MGRN1: variants seen among roughly 807,000 people sequenced by gnomAD.
MGRN1 encodes the protein E3 ubiquitin-protein ligase MGRN1.
MGRN1 carries 29 observed loss-of-function variants against 69.2 expected under a neutral mutation model. The observed-to-expected ratio is 0.42, with a 90% confidence interval of 0.31 to 0.57. MGRN1 has a LOEUF of 0.57. MGRN1 is among the 20% of genes least tolerant of loss of function. MGRN1 has a pLI of 0.15. For missense variants in MGRN1, 998 were observed against 796.2 expected (o/e 1.25, Z -3.05); for synonymous variants, 470 against 344.2 (o/e 1.37, Z -4.04).
chr16:4,684,733 C>T (rs2079269124), intron 16 of MGRN1, among the ~76,000 whole-genome samples: 1 of 152,266 alleles, frequency 6.6e-6, no homozygotes, highest in South Asian at 2.1e-4. Context: ...AATGGGGGCT[C>T]TCAGACTAGT....
At chr16:4,665,267 G>T in intron 7 of MGRN1, 116 bp downstream of exon 7, 2 of 1,093,102 alleles carry the variant, frequency 1.8e-6, no homozygotes, top group Admixed American at 2.1e-5. Context: ...TGAGTGTCAA[G>T]GGCCCCGGGG....
intron 1 of MGRN1, among the ~76,000 whole-genome samples, chr16:4,642,546 A>C (rs1162960353): frequency 6.6e-6 from 1 of 150,994 alleles, no homozygotes; most frequent in East Asian, 1.9e-4. Context: ...GACTGGTCTT[A>C]AACTCCTGAC....
chr16:4,628,410 G>A (rs553236030), intron 1 of MGRN1, among the ~76,000 whole-genome samples: 2 of 150,026 alleles, frequency 1.3e-5, no homozygotes, highest in African/African-American at 4.9e-5. Context: ...AAAAGGAGGG[G>A]ACATTGAAGC....
At chr16:4,636,986 G>C (rs1898328868) in intron 1 of MGRN1, among the ~76,000 whole-genome samples, 1 of 151,734 alleles carries the variant, frequency 6.6e-6, no homozygotes, top group Non-Finnish European at 1.5e-5. Flanking sequence ...GGGCACGGTG[G>C]CGTGCGCCTG....
chr16:4,677,256 CTTCT>C (rs989081396), intron 10 of MGRN1: 53 of 449,860 alleles, frequency 1.2e-4, no homozygotes, highest in African/African-American at 5.5e-4. Context: ...AGGGGAGCTG[CTTCT>C]TTCTTTCTTC....
In MGRN1 at chr16:4,690,765, AACAC is replaced by A. The variant is rs1167875376; in HGVS notation, c.*1863_*1866del. On this transcript the variant is annotated 3_prime_UTR_variant, in exon 17 of 17. Coordinates refer to ENST00000262370, the MANE Select transcript of MGRN1 (RefSeq NM_015246.4). Reference sequence around the variant, plus strand: ...CTCCCCCCATGCACCTCTCCCCAACAACACACACAGCCCCCTGCACCGCCCGCCC... The same window carrying A: ...CTCCCCCCATGCACCTCTCCCCAACAACACAGCCCCCTGCACCGCCCGCCC... 11 of 114,566 alleles carry A rather than the reference AACAC, an allele frequency of 9.6e-5. No individual in the cohort carries two copies. Among genetic ancestry groups the A allele is most frequent in the African/African-American group, 3.4e-5 (1 of 29,366 alleles). The allele number at this position is 114,566 out of a possible 1,614,324, so 7.1% of individuals were successfully genotyped here. A position where few individuals can be genotyped will look rare whatever the true frequency, so the allele number is the denominator to read the frequency against.
chr16:4,638,246 T>TACGA (rs1351125137), intron 1 of MGRN1, among the ~76,000 whole-genome samples: 2 of 151,912 alleles, frequency 1.3e-5, no homozygotes, highest in Non-Finnish European at 2.9e-5. Context: ...GCGGGTGGAT[T>TACGA]ACGAGGTCAG....
chr16:4,675,900 T>C (rs573653153), intron 10 of MGRN1, among the ~76,000 whole-genome samples: 26 of 152,334 alleles, frequency 1.7e-4, no homozygotes, highest in African/African-American at 5.5e-4. Flanking sequence ...ACAACCTGAA[T>C]GTTCTCAGGG....
At chr16:4,676,002 G>A (rs922220652) in intron 10 of MGRN1, among the ~76,000 whole-genome samples, 4 of 152,316 alleles carry the variant, frequency 2.6e-5, no homozygotes, top group South Asian at 2.1e-4. Context: ...CGGTGGGGCC[G>A]GAGCATAGTT....
At chr16:4,684,769 C>G (rs2079269834) in intron 16 of MGRN1, among the ~76,000 whole-genome samples, 1 of 152,260 alleles carries the variant, frequency 6.6e-6, no homozygotes, top group Non-Finnish European at 1.5e-5. Context: ...ACGAGGCTGT[C>G]TGCGGCTCTG....
chr16:4,677,288 A>G (rs563779582), intron 10 of MGRN1, 175 bp from the exon 11 acceptor site: 9 of 446,710 alleles, frequency 2.0e-5, no homozygotes, highest in South Asian at 4.8e-5. Flanking sequence ...TTTCCTGCCT[A>G]TTAAATTCCT....
Position 4,673,350 on chromosome 16 carries a change from G to C in MGRN1, c.796-148G>C, listed in dbSNP as rs2078983104. On this transcript the variant is annotated intron_variant, in intron 9 of 16. Coordinates refer to ENST00000262370, the MANE Select transcript of MGRN1 (RefSeq NM_015246.4). ...ATTTGAGCCTGGTGATTCTGCTCTGGGGCAACCTCCCCCTCCCCTCTGGAC... is the reference window on the plus strand; with the variant it reads ...ATTTGAGCCTGGTGATTCTGCTCTGCGGCAACCTCCCCCTCCCCTCTGGAC... 2.8e-6 allele frequency: 3 copies of C among 1,082,716 alleles called. No individual in the cohort carries two copies. In the South Asian group the frequency reaches 4.5e-5, roughly 16 times the overall value. 67.1% of individuals were successfully genotyped at this position (1,082,716 alleles called of 1,614,324 possible).
intron 11 of MGRN1, among the ~76,000 whole-genome samples, chr16:4,677,894 G>A (rs1225056274): frequency 1.4e-5 from 2 of 148,086 alleles, no homozygotes; most frequent in African/African-American, 2.5e-5. Flanking sequence ...CGAGGCTGGT[G>A]TGCACCCAAA....
At chr16:4,625,881 A>G (rs866638587) in intron 1 of MGRN1, among the ~76,000 whole-genome samples, 9 of 152,338 alleles carry the variant, frequency 5.9e-5, no homozygotes, top group African/African-American at 2.2e-4. Flanking sequence ...GAACTTGGGC[A>G]TCATGGGGAC....
At chr16:4,628,162 G>T (rs546331069) in intron 1 of MGRN1, among the ~76,000 whole-genome samples, 2 of 151,206 alleles carry the variant, frequency 1.3e-5, no homozygotes, top group Non-Finnish European at 2.9e-5. Flanking sequence ...CGAGGCAGGC[G>T]GATCACGAGG....
At position 4,673,669 on chromosome 16, in the gene MGRN1, G is replaced by C. The variant is rs370906836; in HGVS notation, c.955+12G>C. 5.6e-6 allele frequency: 9 copies of C among 1,611,632 alleles called. No homozygotes were observed. Among genetic ancestry groups the C allele is most frequent in the Non-Finnish European group, 7.6e-6 (9 of 1,179,410 alleles). ...CATCTGCCGGCTGCGTGAGTTCCCCGGCCGGCTGTTCTGTGGAAGGTTCTG... is the reference window on the plus strand; with the variant it reads ...CATCTGCCGGCTGCGTGAGTTCCCCCGCCGGCTGTTCTGTGGAAGGTTCTG... On this transcript the variant is annotated intron_variant, in intron 10 of 16. Transcript: ENST00000262370.
rs1382991351 is a variant in MGRN1 at position 4,652,715 on chromosome 16, G to A, written c.334G>A (p.Asp112Asn). Reference protein sequence around the residue: ...DDADSPTEDGDKPRVLYSLEF... With the variant: ...DDADSPTEDGNKPRVLYSLEF... ...TGCCGACAGCCCCACCGAGGACGGC[G>A]ACAAGCCCCGGGTGCTCTACAGCCT... Residue 112 changes from aspartate (D) to asparagine (N), a missense_variant, in exon 4 of 17, where the codon GAC becomes AAC. By Grantham distance (23) the Asp-to-Asn change is conservative. Coordinates refer to ENST00000262370, the MANE Select transcript of MGRN1 (RefSeq NM_015246.4). 3 of 1,612,484 alleles carry A rather than the reference G, an allele frequency of 1.9e-6. No individual in the cohort carries two copies. In the East Asian group the frequency reaches 6.7e-5, roughly 36 times the overall value.
intron 1 of MGRN1, among the ~76,000 whole-genome samples, chr16:4,641,387 C>T (rs574666810): frequency 1.4e-5 from 2 of 146,582 alleles, no homozygotes; most frequent in Non-Finnish European, 3.1e-5. Flanking sequence ...GTTGCTTGGG[C>T]TGGAGTGCAG....
intron 1 of MGRN1, among the ~76,000 whole-genome samples, chr16:4,646,151 T>C (rs569463723): frequency 1.9e-4 from 29 of 152,144 alleles, no homozygotes; most frequent in African/African-American, 6.7e-4. Flanking sequence ...TCACTCAGGC[T>C]GTGTCACGGT....
Sources: gnomAD v4.1 joint callset for allele counts (sites outside exome capture counted in the v4.1 genomes callset) on GRCh38, gnomAD v4.1.1 for gene constraint, MANE v1.5 for transcripts, NCBI Gene and HGNC (gene_info 2026-07-23, HGNC 2026-07-21) for gene names.